RHOD: variants seen among roughly 807,000 people sequenced by gnomAD.
RHOD encodes the protein rho-related GTP-binding protein RhoD.
In RHOD, 11 loss-of-function variants were observed where a neutral mutation model predicts 16.7. That is an observed-to-expected ratio of 0.66 (90% CI 0.41 to 1.09). RHOD has a LOEUF of 1.09. Ranked by LOEUF, RHOD falls within the 50% of genes least tolerant of loss-of-function variation. RHOD has a pLI of 0.00. For synonymous variants in RHOD, 124 were observed against 126.3 expected, an observed-to-expected ratio of 0.98 and a Z score of 0.12; for missense variants, 271 against 291.7, an observed-to-expected ratio of 0.93 and a Z score of 0.52.
chr11:67,058,245 G>C lies in RHOD; in HGVS notation c.132+1211G>C, dbSNP rs1271850681. Among the ~76,000 whole-genome samples the C allele has an allele frequency of 2.6e-5, 4 of 151,424 alleles. No homozygotes were observed. The South Asian group carries it at 8.4e-4, about 32-fold the overall frequency. On this transcript the variant is annotated intron_variant, in intron 1 of 4. Coordinates refer to ENST00000308831, the MANE Select transcript of RHOD (RefSeq NM_014578.4). ...GGTTAGAGTGCAGTGGCACAATCTC[G>C]GCTCACTGTAACCTCTGCCTCCCAG...
intron 1 of RHOD, among the ~76,000 whole-genome samples, chr11:67,058,597 C>T (rs965603668): frequency 1.3e-5 from 2 of 152,200 alleles, no homozygotes; most frequent in African/African-American, 4.8e-5. Flanking sequence ...TGGCCTGAGC[C>T]ACCGCAACTG....
intron 2 of RHOD, 34 bp from the exon 3 acceptor site, chr11:67,066,704 C>A: frequency 7.4e-7 from 1 of 1,343,282 alleles, no homozygotes; most frequent in Non-Finnish European, 1.1e-6. Context: ...GGGCCAGGAG[C>A]CCTGAAGGCA....
At position 67,070,452 on chromosome 11, in the gene RHOD, A is replaced by C. The variant is rs1001750892; in HGVS notation, c.358A>C (p.Lys120Gln). The C allele has an allele frequency of 6.2e-7, 1 of 1,613,622 alleles. No homozygotes were observed. The highest frequency in any genetic ancestry group is 1.3e-5 in the African/African-American group (1 of 74,860). ...RWYPEVNHFC[K>Q]KVPIIVVGCK... ...GTACCCAGAAGTGAATCATTTCTGC[A>C]AGAAGGTACCCATCATCGTCGTGGG... The change falls in exon 4 of 5, where the codon AAG (lysine) becomes CAG (glutamine). Residue 120 changes from lysine (K) to glutamine (Q), a missense_variant. Transcript: ENST00000308831.
chr11:67,057,138 G>A, intron 1 of RHOD, 104 bp downstream of exon 1: 1 of 1,291,828 alleles, frequency 7.7e-7, no homozygotes, highest in South Asian at 2.1e-5. Context: ...GGCCTCCGAG[G>A]GGTGTCCCAG....
At chr11:67,063,157 A>G (rs1173450331) in intron 1 of RHOD, among the ~76,000 whole-genome samples, 1 of 152,094 alleles carries the variant, frequency 6.6e-6, no homozygotes, top group Non-Finnish European at 1.5e-5. Context: ...TGGGAGGCCA[A>G]GGCAGGTGGA....
rs768565060 is a variant in RHOD, at chr11:67,070,569, C to G, written c.465+10C>G. 6.2e-7 allele frequency: 1 copy of G among 1,613,802 alleles called. No individual in the cohort carries two copies. Among genetic ancestry groups the G allele is most frequent in the Middle Eastern group, 1.7e-4 (1 of 5,912 alleles). ...TGTGACCTACCACAGGGTAGGAAAC[C>G]CAGCCCGAGGTGGGAGTTGGGGAGG... On this transcript the variant is annotated intron_variant, in intron 4 of 4. Coordinates refer to ENST00000308831, the MANE Select transcript of RHOD (RefSeq NM_014578.4).
chr11:67,062,856 G>A (rs1044061619), intron 1 of RHOD, among the ~76,000 whole-genome samples: 13 of 152,228 alleles, frequency 8.5e-5, no homozygotes, highest in East Asian at 1.9e-4. Context: ...AAGAGCGGGC[G>A]GCCCAGCATC....
At chr11:67,058,987 G>A (rs1233716706) in intron 1 of RHOD, among the ~76,000 whole-genome samples, 2 of 152,304 alleles carry the variant, frequency 1.3e-5, no homozygotes, top group Admixed American at 6.5e-5. Context: ...CCTGATGGGC[G>A]GGGGCTGGAG....
intron 1 of RHOD, among the ~76,000 whole-genome samples, chr11:67,060,283 C>T (rs745383457): frequency 3.3e-4 from 50 of 152,254 alleles, no homozygotes; most frequent in Non-Finnish European, 6.5e-4. Context: ...TGTCTGTGAG[C>T]CCCTGGAGGG....
At chr11:67,061,632 CAAAAA>C (rs56111361) in intron 1 of RHOD, among the ~76,000 whole-genome samples, 1 of 90,810 alleles carries the variant, frequency 1.1e-5, no homozygotes. Context: ...AACTCTGTCT[CAAAAA>C]AAAAAAAAAA....
At chr11:67,059,517 C>G (rs955522256) in intron 1 of RHOD, among the ~76,000 whole-genome samples, 2 of 151,474 alleles carry the variant, frequency 1.3e-5, no homozygotes, top group African/African-American at 2.4e-5. Context: ...CACTCCAGCT[C>G]GGGGACAACA....
chr11:67,065,317 G>T (rs185659085), intron 1 of RHOD, among the ~76,000 whole-genome samples: 1 of 152,072 alleles, frequency 6.6e-6, no homozygotes, highest in East Asian at 1.9e-4. Flanking sequence ...CTCATGATCC[G>T]CCCACTTCGG....
rs1463793460 is a variant in RHOD at position 67,066,014 on chromosome 11, G to A, written c.220+31G>A. ...TGTGCAGGGGTGGGGCAGGGTGGGA[G>A]GGGCTTCTGTGGGCCCCTGATGCCT... On this transcript the variant is annotated intron_variant, in intron 2 of 4. Coordinates refer to ENST00000308831, the MANE Select transcript of RHOD (RefSeq NM_014578.4). The A allele has an allele frequency of 4.4e-6, 6 of 1,373,094 alleles. No individual in the cohort carries two copies. The Admixed American group carries it at 5.1e-5, about 12-fold the overall frequency. 85.1% of individuals were successfully genotyped at this position (1,373,094 alleles called of 1,614,324 possible). A position where few individuals can be genotyped will look rare whatever the true frequency, so the allele number is the denominator to read the frequency against.
rs1403185631 is a variant in RHOD, at chr11:67,065,900, A to AC, written c.138dup (p.Thr47HisfsTer6). The AC allele has an allele frequency of 6.2e-7, 1 of 1,605,424 alleles. No individual in the cohort carries two copies. The highest frequency in any genetic ancestry group is 2.3e-5 in the East Asian group (1 of 44,298). On this transcript the variant is annotated frameshift_variant, in exon 2 of 5. Transcript: ENST00000308831. LOFTEE classifies it high-confidence loss of function. The stretch of plus-strand genomic sequence containing the variant: ...CCCCGCCCTGCTTCTCCTCAGAGCT[A>AC]CACCCCCACGGTGTTTGAGCGGTAC...
chr11:67,056,879 G>T lies in RHOD; in HGVS notation c.-24G>T. Reference sequence around the variant, plus strand: ...GTCTCTGCGCCGCAGCCGCCCGCCCGCCCGCTCAGCGCCCGGCCCCGGGAT... The same window carrying T: ...GTCTCTGCGCCGCAGCCGCCCGCCCTCCCGCTCAGCGCCCGGCCCCGGGAT... On this transcript the variant is annotated 5_prime_UTR_variant, in exon 1 of 5. Transcript: ENST00000308831. The T allele has an allele frequency of 1.5e-6, 2 of 1,373,646 alleles. No individual in the cohort carries two copies. The highest frequency in any genetic ancestry group is 1.7e-5 in the South Asian group (1 of 58,216). The allele number at this position is 1,373,646 out of a possible 1,614,324, so 85.1% of individuals were successfully genotyped here.
chr11:67,071,428 C>T lies in RHOD; in HGVS notation c.466-7C>T. On this transcript the variant is annotated splice_polypyrimidine_tract_variant and splice_region_variant and intron_variant, in intron 4 of 4. Coordinates refer to ENST00000308831, the MANE Select transcript of RHOD (RefSeq NM_014578.4). ...TTCACCGCAGCCCCATCCACCTCTCCCTCTAGGGCCAGGAGATGGCGAGGT... is the reference window on the plus strand; with the variant it reads ...TTCACCGCAGCCCCATCCACCTCTCTCTCTAGGGCCAGGAGATGGCGAGGT... 6.3e-7 allele frequency: 1 copy of T among 1,579,558 alleles called. No individual in the cohort carries two copies. The highest frequency in any genetic ancestry group is 8.6e-7 in the Non-Finnish European group (1 of 1,162,962).
chr11:67,071,498 G>GACA lies in RHOD; in HGVS notation c.532_534dup (p.Asn178dup). 1 of 1,611,118 alleles carries GACA rather than the reference G, an allele frequency of 6.2e-7. No homozygotes were observed. Among genetic ancestry groups the GACA allele is most frequent in the African/African-American group, 1.3e-5 (1 of 75,004 alleles). Reference sequence around the variant, plus strand: ...CCTCGAGTGCTCGGCTCGGCTCCATGACAACGTCCACGCCGTCTTCCAGGA... The same window carrying GACA: ...CCTCGAGTGCTCGGCTCGGCTCCATGACAACAACGTCCACGCCGTCTTCCAGGA... On this transcript the variant is annotated inframe_insertion, in exon 5 of 5. Coordinates refer to ENST00000308831, the MANE Select transcript of RHOD (RefSeq NM_014578.4).
At chr11:67,064,958 G>A (rs1854939606) in intron 1 of RHOD, among the ~76,000 whole-genome samples, 2 of 152,130 alleles carry the variant, frequency 1.3e-5, no homozygotes, top group African/African-American at 2.4e-5. Flanking sequence ...CCCATCCAGA[G>A]GGCAATGATA....
At position 67,060,521 on chromosome 11, in the gene RHOD, C is replaced by A. The variant is rs150766513; in HGVS notation, c.132+3487C>A. Among the ~76,000 whole-genome samples the A allele has an allele frequency of 6.4e-4, 97 of 152,316 alleles. 1 individual carries two copies. The highest frequency in any genetic ancestry group is 2.2e-3 in the African/African-American group (93 of 41,564). ...GACAGTTACAAGCCAGAGGGGAAAC[C>A]CAGCCCCTTTCTGTCTCCGGGAACT... On this transcript the variant is annotated intron_variant, in intron 1 of 4. Transcript: ENST00000308831.
Sources: allele counts gnomAD v4.1 joint callset (sites outside exome capture counted in the v4.1 genomes callset), GRCh38; gene constraint gnomAD v4.1.1; transcripts MANE v1.5; gene names NCBI Gene and HGNC (gene_info 2026-07-23, HGNC 2026-07-21).